GPR157: variants seen among roughly 807,000 people sequenced by gnomAD.
GPR157 encodes G-protein coupled receptor 157.
Under a neutral mutation model 23.5 loss-of-function variants are expected in GPR157, and 16 were observed. The observed-to-expected ratio is 0.68, with a 90% CI of 0.46 to 1.04. The LOEUF (loss-of-function observed/expected upper bound fraction) is 1.04, where lower values mean the gene tolerates loss of function less well. GPR157 is among the 50% of genes least tolerant of loss of function. The pLI is 0.00. For missense variants in GPR157, 440 were observed against 460.7 expected, an observed-to-expected ratio of 0.96 and a Z score of 0.41; for synonymous variants, 200 against 221.5, an observed-to-expected ratio of 0.90 and a Z score of 0.86.
rs1013357553 is a variant in GPR157, at chr1:9,105,516, G to A, written c.762C>T (p.Ala254=). Residue 254 remains alanine, a synonymous_variant, in exon 3 of 4, where the codon GCC becomes GCT. Transcript: ENST00000377411. The surrounding 1 kb of genome is among the most constrained non-coding windows in gnomAD (Gnocchi z 4.8). ...GAACCACCAGCACCGGCGTCTGCAC[G>A]GCCGGGGAGCCACAGAGGGTCAGCA... The part of the protein sequence containing the change: ...RFVLTLCGSP[A]VQTPVLVVLH... 8.2e-6 allele frequency: 13 copies of A among 1,583,692 alleles called. No individual in the cohort carries two copies. Among genetic ancestry groups the A allele is most frequent in the South Asian group, 1.2e-5 (1 of 86,652 alleles).
chr1:9,123,255 T>TTTA (rs1553175800), intron 1 of GPR157, among the ~76,000 whole-genome samples: 1 of 23,318 alleles, frequency 4.3e-5, no homozygotes, highest in African/African-American at 2.2e-4. Flanking sequence ...TTTAAATATA[T>TTTA]ATTTAAATAT....
At chr1:9,111,209 A>G in intron 2 of GPR157, 67 bp downstream of exon 2, 4 of 1,501,900 alleles carry the variant, frequency 2.7e-6, no homozygotes, top group Non-Finnish European at 3.7e-6. Context: ...GCCAAACTCA[A>G]TGCCAGGCCT....
chr1:9,104,627 C>T lies in GPR157; in HGVS notation c.800G>A (p.Gly267Glu). 6.3e-7 allele frequency: 1 copy of T among 1,599,974 alleles called. No homozygotes were observed. Among genetic ancestry groups the T allele is most frequent in the South Asian group, 1.1e-5 (1 of 89,742 alleles). The stretch of plus-strand genomic sequence containing the variant: ...GTTGGCACCTCCCTGAAACGTGTTC[C>T]CGATACCCTGTCGGGAGAAAAGGAG... The part of the protein sequence containing the change: ...TPVLVVLHGI[G>E]NTFQGGANCI... Residue 267 changes from glycine to glutamate, a missense_variant, in exon 4 of 4, where the codon GGG (glycine) becomes GAG (glutamate). Physicochemically the swap from Gly to Glu is moderately conservative, Grantham distance 98 (BLOSUM62 -2). Coordinates refer to ENST00000377411, the MANE Select transcript of GPR157 (RefSeq NM_024980.5).
Position 9,111,287 on chromosome 1 carries a change from T to C in GPR157, c.586A>G (p.Ile196Val), listed in dbSNP as rs1400951910. ...PLLYLLVRKHINRAHTALSEY... is the reference protein window; with the variant it reads ...PLLYLLVRKHVNRAHTALSEY... ...AGGGCAGCGCCTACCGCTCTGTTGA[T>C]GTGCTTCCGGACCAGGAGGTACAGC... The change falls in exon 2 of 4, where the codon ATC becomes GTC. Residue 196 changes from isoleucine to valine, a missense_variant. Transcript: ENST00000377411. 1.2e-6 allele frequency: 2 copies of C among 1,614,180 alleles called. No homozygotes were observed. The highest frequency in any genetic ancestry group is 1.1e-5 in the South Asian group (1 of 91,082).
chr1:9,112,738 C>A (rs1467897239), intron 1 of GPR157, among the ~76,000 whole-genome samples: 2 of 152,226 alleles, frequency 1.3e-5, no homozygotes, highest in Non-Finnish European at 1.5e-5. Context: ...TAGGCCTGAG[C>A]CACCATGTCC....
At chr1:9,110,207 G>A (rs1448038617) in intron 2 of GPR157, among the ~76,000 whole-genome samples, 1 of 152,196 alleles carries the variant, frequency 6.6e-6, no homozygotes, top group Non-Finnish European at 1.5e-5. Context: ...GCACTCTGGT[G>A]CTAGGAGATG....
chr1:9,128,880 G>A lies in GPR157; in HGVS notation c.148C>T (p.Leu50=). 6.4e-7 allele frequency: 1 copy of A among 1,565,830 alleles called. No individual in the cohort carries two copies. Among genetic ancestry groups the A allele is most frequent in the South Asian group, 1.2e-5 (1 of 86,034 alleles). The change falls in exon 1 of 4, where the codon CTG becomes TTG. Residue 50 remains leucine (L), a synonymous_variant. Transcript: ENST00000377411. This position sits in a 1 kb window ranked among gnomAD's most constrained non-coding sequence, Gnocchi z 6.3. ...AGGTCGGCCAGCGACAGGAAGAGCA[G>A]CAGGCGCCGTGCCCGGCTGCGCAGG... The part of the protein sequence containing the change: ...PDLRSRARRL[L]LFLSLADLLS...
At chr1:9,108,935 A>G (rs371078211) in intron 2 of GPR157, among the ~76,000 whole-genome samples, 108 of 151,966 alleles carry the variant, frequency 7.1e-4, no homozygotes, top group African/African-American at 2.6e-3. Context: ...ACAGGTGCCC[A>G]CCACCACGCT....
In GPR157 at chr1:9,104,439, C is replaced by T. The variant is rs1303857422; in HGVS notation, c.988G>A (p.Gly330Arg). Reference protein sequence around the residue: ...GESQESQGTPGELPST With the variant: ...GESQESQGTPRELPST ...AAAGCTCAGGTGCTTGGAAGTTCCC[C>T]TGGGGTCCCTTGGGATTCCTGAGAT... Residue 330 changes from glycine to arginine, a missense_variant, in exon 4 of 4, where the codon GGG becomes AGG. Coordinates refer to ENST00000377411, the MANE Select transcript of GPR157 (RefSeq NM_024980.5). 5.0e-6 allele frequency: 8 copies of T among 1,613,868 alleles called. No homozygotes were observed. The highest frequency in any genetic ancestry group is 6.8e-6 in the Non-Finnish European group (8 of 1,179,954).
At position 9,128,224 on chromosome 1, in the gene GPR157, G is replaced by A; in HGVS notation, c.383+421C>T. The stretch of plus-strand genomic sequence containing the variant: ...CACTGTGGCTTGGGGTGGGGTGGTG[G>A]CGTGGGACTGGCAGTTGCCGGCTCT... On this transcript the variant is annotated intron_variant, in intron 1 of 3. Transcript: ENST00000377411. The surrounding 1 kb of genome is among the most constrained non-coding windows in gnomAD (Gnocchi z 6.3). 2 of 468,594 alleles carry A rather than the reference G, an allele frequency of 4.3e-6. No individual in the cohort carries two copies. Among genetic ancestry groups the A allele is most frequent in the Non-Finnish European group, 8.4e-6 (2 of 237,112 alleles). 29.0% of individuals were successfully genotyped at this position (468,594 alleles called of 1,614,324 possible). A position where few individuals can be genotyped will look rare whatever the true frequency, so the allele number is the denominator to read the frequency against.
chr1:9,124,431 G>A (rs1276242192), intron 1 of GPR157, among the ~76,000 whole-genome samples: 2 of 152,202 alleles, frequency 1.3e-5, no homozygotes, highest in African/African-American at 2.4e-5. Context: ...ATGAATGGAC[G>A]TGCAGTCAGG....
At chr1:9,111,032 T>C (rs1638477758) in intron 2 of GPR157, 1 of 563,712 alleles carries the variant, frequency 1.8e-6, no homozygotes, top group South Asian at 1.9e-5. Flanking sequence ...CTCGTTTCCT[T>C]ATCTACAAAG....
chr1:9,104,552 G>A lies in GPR157; in HGVS notation c.875C>T (p.Ser292Phe), dbSNP rs769832012. 6.2e-7 allele frequency: 1 copy of A among 1,613,950 alleles called. No individual in the cohort carries two copies. Among genetic ancestry groups the A allele is most frequent in the Non-Finnish European group, 8.5e-7 (1 of 1,179,972 alleles). Reference protein sequence around the residue: ...CTRAVRTRLFSLCCCCCSSQP... With the variant: ...CTRAVRTRLFFLCCCCCSSQP... ...AGAAGAGCAGCAGCAGCAACAGAGAGAGAAGAGCCGAGTTCGGACGGCGCG... is the reference window on the plus strand; with the variant it reads ...AGAAGAGCAGCAGCAGCAACAGAGAAAGAAGAGCCGAGTTCGGACGGCGCG... The change falls in exon 4 of 4, where the codon TCT becomes TTT. Residue 292 changes from serine to phenylalanine, a missense_variant. Transcript: ENST00000377411.
rs902674038 is a variant in GPR157 at position 9,120,911 on chromosome 1, G to C, written c.383+7734C>G. Among the ~76,000 whole-genome samples the C allele has an allele frequency of 3.9e-5, 6 of 152,228 alleles. No individual in the cohort carries two copies. Among genetic ancestry groups the C allele is most frequent in the African/African-American group, 1.4e-4 (6 of 41,458 alleles). On this transcript the variant is annotated intron_variant, in intron 1 of 3. Transcript: ENST00000377411. This position sits in a 1 kb window ranked among gnomAD's most constrained non-coding sequence, Gnocchi z 4.1. Reference sequence around the variant, plus strand: ...TCAATGATTGATATTTTCAGGAGTAGTGGCCGACATGGGGTACTATTCATG... The same window carrying C: ...TCAATGATTGATATTTTCAGGAGTACTGGCCGACATGGGGTACTATTCATG...
Position 9,111,245 on chromosome 1 carries a change from G to A in GPR157, c.597+31C>T, listed in dbSNP as rs199982505. ...TGCACCTGGGCACAGCGGCCATGCA[G>A]AGGGCCCTGAGCTCTAAGGGCAGCG... On this transcript the variant is annotated intron_variant, in intron 2 of 3. Transcript: ENST00000377411. 779 of 1,602,450 alleles carry A rather than the reference G, an allele frequency of 4.9e-4. 4 individuals are homozygous for A. In the African/African-American group the frequency reaches 8.3e-3, roughly 17 times the overall value.
At chr1:9,123,755 T>C (rs1233963217) in intron 1 of GPR157, among the ~76,000 whole-genome samples, 1 of 130,214 alleles carries the variant, frequency 7.7e-6, no homozygotes, top group Admixed American at 9.0e-5. Context: ...ATTATATATT[T>C]AATATTATAT....
intron 1 of GPR157, among the ~76,000 whole-genome samples, chr1:9,121,364 G>A (rs955042110): frequency 6.0e-5 from 9 of 149,190 alleles, no homozygotes; most frequent in Admixed American, 3.4e-4. Context: ...CAGGCCAGGT[G>A]TGGTGGCTCA....
chr1:9,128,101 G>A lies in GPR157; in HGVS notation c.383+544C>T, dbSNP rs1335638108. Among the ~76,000 whole-genome samples the A allele has an allele frequency of 3.3e-5, 5 of 152,188 alleles. No homozygotes were observed. Among genetic ancestry groups the A allele is most frequent in the African/African-American group, 1.2e-4 (5 of 41,448 alleles). On this transcript the variant is annotated intron_variant, in intron 1 of 3. Transcript: ENST00000377411. This position sits in a 1 kb window ranked among gnomAD's most constrained non-coding sequence, Gnocchi z 6.3. ...ACAGAAATACAAGGGGCTGGGGCCT[G>A]AGGCTAGAAACGACCAAAGACAGAA...
rs1002920058 is a variant in GPR157 at position 9,111,168 on chromosome 1, T to A, written c.597+108A>T. 8.3e-6 allele frequency: 8 copies of A among 959,376 alleles called. No individual in the cohort carries two copies. The African/African-American group carries it at 1.3e-4, about 16-fold the overall frequency. The allele number at this position is 959,376 out of a possible 1,614,324, so 59.4% of individuals were successfully genotyped here. On this transcript the variant is annotated intron_variant, in intron 2 of 3. Coordinates refer to ENST00000377411, the MANE Select transcript of GPR157 (RefSeq NM_024980.5). ...CCCCTCTGGCCCATCACTGGTTCTG[T>A]CCCCAGAGACGCAACCTGTCCCCTC...
Sources: gnomAD v4.1 joint callset for allele counts (sites outside exome capture counted in the v4.1 genomes callset) on GRCh38, gnomAD v4.1.1 for gene constraint, Gnocchi (gnomAD v3.1) non-coding constraint, MANE v1.5 for transcripts, NCBI Gene and HGNC (gene_info 2026-07-23, HGNC 2026-07-21) for gene names.